The following ATP6V1G1 variants were observed in gnomAD, a reference collection of about 807,000 sequenced individuals.
ATP6V1G1 encodes the protein ATPase H+ transporting V1 subunit G1.
A neutral mutation model predicts 14.2 loss-of-function variants in ATP6V1G1; 14 were observed. That is an observed-to-expected ratio of 0.99 (90% CI 0.65 to 1.55). ATP6V1G1 has a LOEUF of 1.55. Ranked by LOEUF, ATP6V1G1 falls within the 40% of genes most tolerant of loss-of-function variation. ATP6V1G1 has a pLI of 0.00. For missense variants in ATP6V1G1, 137 were observed against 146.4 expected, an observed-to-expected ratio of 0.94 and a Z score of 0.33; for synonymous variants, 65 against 53.3, an observed-to-expected ratio of 1.22 and a Z score of -0.96.
intron 1 of ATP6V1G1, 86 bp from the exon 2 acceptor site, chr9:114,592,466 G>T: frequency 7.8e-7 from 1 of 1,287,358 alleles, no homozygotes; most frequent in Middle Eastern, 2.7e-4. Flanking sequence ...TTTATTCTTG[G>T]CTTATTGTTA....
chr9:114,592,293 A>G (rs1845190498), intron 1 of ATP6V1G1, among the ~76,000 whole-genome samples: 1 of 152,166 alleles, frequency 6.6e-6, no homozygotes. Flanking sequence ...GACACATTCT[A>G]CAATTTTTTT....
chr9:114,590,137 G>A (rs1845168015), intron 1 of ATP6V1G1, among the ~76,000 whole-genome samples: 1 of 150,562 alleles, frequency 6.6e-6, no homozygotes, highest in African/African-American at 2.4e-5. Context: ...GGCAGAGGTT[G>A]CAGTGAGCGG....
Position 114,592,458 on chromosome 9 carries a change from T to G in ATP6V1G1, c.83-94T>G, listed in dbSNP as rs890458770. 6 of 1,235,882 alleles carry G rather than the reference T, an allele frequency of 4.9e-6. No individual in the cohort carries two copies. The African/African-American group carries it at 9.1e-5, about 19-fold the overall frequency. The allele number at this position is 1,235,882 out of a possible 1,614,324, so 76.6% of individuals were successfully genotyped here. A position where few individuals can be genotyped will look rare whatever the true frequency, so the allele number is the denominator to read the frequency against. On this transcript the variant is annotated intron_variant, in intron 1 of 2. Coordinates refer to ENST00000374050, the MANE Select transcript of ATP6V1G1 (RefSeq NM_004888.4). ...CATCTCTTCGGACTGTGTCATAATT[T>G]ATTCTTGGCTTATTGTTATAATATA...
intron 1 of ATP6V1G1, among the ~76,000 whole-genome samples, chr9:114,590,488 A>G (rs1358548997): frequency 6.6e-6 from 1 of 151,984 alleles, no homozygotes; most frequent in South Asian, 2.1e-4. Flanking sequence ...TATTTTTAGT[A>G]GAGACAGTGT....
At chr9:114,596,244 C>T (rs1387314286) in intron 2 of ATP6V1G1, among the ~76,000 whole-genome samples, 12 of 151,916 alleles carry the variant, frequency 7.9e-5, no homozygotes, top group African/African-American at 1.9e-4. Context: ...AAAAATTAGC[C>T]GGGCGTGGTG....
At chr9:114,595,761 T>C (rs1343838121) in intron 2 of ATP6V1G1, among the ~76,000 whole-genome samples, 1 of 151,994 alleles carries the variant, frequency 6.6e-6, no homozygotes, top group African/African-American at 2.4e-5. Context: ...CTGGGCAACA[T>C]AGTGAGATCC....
chr9:114,593,598 C>T (rs1019439783), intron 2 of ATP6V1G1, among the ~76,000 whole-genome samples: 4 of 152,114 alleles, frequency 2.6e-5, no homozygotes, highest in East Asian at 1.9e-4. Context: ...TAGGCTTAAG[C>T]GATCCTCCCC....
intron 2 of ATP6V1G1, among the ~76,000 whole-genome samples, chr9:114,594,861 C>T (rs1185181404): frequency 1.1e-4 from 12 of 110,566 alleles, no homozygotes; most frequent in Admixed American, 9.8e-5. Context: ...TTCTTTTTTT[C>T]TTTTTTTTTT....
intron 1 of ATP6V1G1, among the ~76,000 whole-genome samples, chr9:114,591,021 C>T (rs1845177518): frequency 6.6e-6 from 1 of 151,788 alleles, no homozygotes; most frequent in African/African-American, 2.4e-5. Flanking sequence ...GTCTCGAACT[C>T]CTGACCTTGT....
Position 114,597,926 on chromosome 9 carries a change from C to A in ATP6V1G1, c.*183C>A. ...TTTTTTGTACAGACTTAGAAATTAT[C>A]TAAAGATTTCATCTTTTTACCTCAT... On this transcript the variant is annotated 3_prime_UTR_variant, in exon 3 of 3. Transcript: ENST00000374050. 1 of 448,286 alleles carries A rather than the reference C, an allele frequency of 2.2e-6. No individual in the cohort carries two copies. The highest frequency in any genetic ancestry group is 3.6e-6 in the Non-Finnish European group (1 of 279,100). 27.8% of individuals were successfully genotyped at this position (448,286 alleles called of 1,614,324 possible). A position where few individuals can be genotyped will look rare whatever the true frequency, so the allele number is the denominator to read the frequency against.
At chr9:114,588,844 A>G (rs914821894) in intron 1 of ATP6V1G1, among the ~76,000 whole-genome samples, 1 of 152,058 alleles carries the variant, frequency 6.6e-6, no homozygotes, top group Non-Finnish European at 1.5e-5. Context: ...TAAATAAATA[A>G]GTGCAGATAT....
At position 114,597,662 on chromosome 9, in the gene ATP6V1G1, G is replaced by A. The variant is rs760947184; in HGVS notation, c.276G>A (p.Arg92=). Residue 92 remains arginine (R), a synonymous_variant, in exon 3 of 3, where the codon AGG becomes AGA. Transcript: ENST00000374050. Reference sequence around the variant, plus strand: ...TCCAGACATACTTCCGGCAGAACAGGGATGAAGTCTTGGACAACCTCTTGG... The same window carrying A: ...TCCAGACATACTTCCGGCAGAACAGAGATGAAGTCTTGGACAACCTCTTGG... The part of the protein sequence containing the change: ...TILQTYFRQN[R]DEVLDNLLAF... 3 of 1,594,958 alleles carry A rather than the reference G, an allele frequency of 1.9e-6. No individual in the cohort carries two copies. Among genetic ancestry groups the A allele is most frequent in the Non-Finnish European group, 1.7e-6 (2 of 1,172,630 alleles).
intron 2 of ATP6V1G1, among the ~76,000 whole-genome samples, chr9:114,596,394 A>G (rs918283583): frequency 2.6e-5 from 4 of 152,044 alleles, no homozygotes; most frequent in African/African-American, 9.7e-5. Flanking sequence ...ACTCAAAAAA[A>G]AAAAAAAAAA....
chr9:114,593,560 A>G (rs1292015429), intron 2 of ATP6V1G1, among the ~76,000 whole-genome samples: 2 of 152,130 alleles, frequency 1.3e-5, no homozygotes, highest in African/African-American at 4.8e-5. Flanking sequence ...CAGTGGTGTG[A>G]TCATAGCTCA....
intron 2 of ATP6V1G1, among the ~76,000 whole-genome samples, chr9:114,595,025 GTT>G (rs76024528): frequency 7.2e-6 from 1 of 138,118 alleles, no homozygotes; most frequent in African/African-American, 2.6e-5. Context: ...ACGCCTGGCA[GTT>G]TTTTTTTTTT....
intron 2 of ATP6V1G1, among the ~76,000 whole-genome samples, chr9:114,595,953 C>CAA (rs1306907278): frequency 6.6e-6 from 1 of 151,834 alleles, no homozygotes; most frequent in African/African-American, 2.4e-5. Context: ...AAGGGTCAGA[C>CAA]AAAAAAGTTA....
At chr9:114,592,407 G>T (rs990418839) in intron 1 of ATP6V1G1, 145 bp from the exon 2 acceptor site, 5 of 783,264 alleles carry the variant, frequency 6.4e-6, no homozygotes, top group Non-Finnish European at 9.8e-6. Flanking sequence ...CTGTTTGTTA[G>T]CTCTGAATTC....
At position 114,598,684 on chromosome 9, in the gene ATP6V1G1, G is replaced by A. The variant is rs138487038; in HGVS notation, c.*941G>A. On this transcript the variant is annotated 3_prime_UTR_variant, in exon 3 of 3. Transcript: ENST00000374050. ...AGTTATTAAGCATATTTCCTTCCTG[G>A]TGGGCTAGATGATGTGCATTATACC... Among the ~76,000 whole-genome samples, 727 of 152,194 alleles carry A rather than the reference G, an allele frequency of 4.8e-3. 3 individuals carry two copies. The highest frequency in any genetic ancestry group is 0.017 in the African/African-American group (692 of 41,512).
At chr9:114,595,220 A>G (rs536232851) in intron 2 of ATP6V1G1, among the ~76,000 whole-genome samples, 2 of 152,244 alleles carry the variant, frequency 1.3e-5, no homozygotes, top group South Asian at 4.1e-4. Context: ...AGTTTTTGAG[A>G]CAACTTAGCG....
Sources: allele counts gnomAD v4.1 joint callset (sites outside exome capture counted in the v4.1 genomes callset), GRCh38; gene constraint gnomAD v4.1.1; transcripts MANE v1.5; gene names NCBI Gene and HGNC (gene_info 2026-07-23, HGNC 2026-07-21).